Variants in ANO3 observed in about 807,000 individuals in gnomAD.
ANO3 encodes the protein anoctamin 3.
A neutral mutation model predicts 144.8 loss-of-function variants in ANO3; 99 were observed. The ratio of observed to expected loss-of-function variants is 0.68; its 90% CI spans 0.58 to 0.81. The LOEUF is 0.81. Among genes scored for constraint, ANO3 ranks in the 30% least tolerant of loss-of-function variants. The pLI is 0.00. For synonymous variants in ANO3, 414 were observed against 392.6 expected, an observed-to-expected ratio of 1.05 and a Z score of -0.64; for missense variants, 905 against 1,202.2, an observed-to-expected ratio of 0.75 and a Z score of 3.66.
At chr11:26,567,168 G>A (rs929110575) in intron 14 of ANO3, 12 of 1,338,612 alleles carry the variant, frequency 9.0e-6, no homozygotes, top group Non-Finnish European at 1.1e-5. Context: ...AATATTTAAA[G>A]CCAAGTCAAC....
intron 22 of ANO3, among the ~76,000 whole-genome samples, chr11:26,642,798 TTTCTTC>T (rs139017984): frequency 6.6e-6 from 1 of 151,486 alleles, no homozygotes; most frequent in African/African-American, 2.4e-5. Flanking sequence ...CTTCTTTCTC[TTTCTTC>T]TTCTTTTTCC....
rs1855068599 is a variant in ANO3, at chr11:26,332,252, C to A, written c.-24C>A. 1.2e-6 allele frequency: 2 copies of A among 1,613,922 alleles called. No homozygotes were observed. The highest frequency in any genetic ancestry group is 2.7e-5 in the African/African-American group (2 of 74,874). Reference sequence around the variant, plus strand: ...CCTCCCTCTCGGGCAGCTCCCTAAGCCGGCTGGGACGCGCAGAGTGAAAAT... The same window carrying A: ...CCTCCCTCTCGGGCAGCTCCCTAAGACGGCTGGGACGCGCAGAGTGAAAAT... On this transcript the variant is annotated 5_prime_UTR_variant, in exon 1 of 27. Transcript: ENST00000256737.
intron 14 of ANO3, among the ~76,000 whole-genome samples, chr11:26,584,144 T>G (rs999743405): frequency 9.1e-5 from 11 of 120,838 alleles, no homozygotes; most frequent in African/African-American, 4.0e-4. Flanking sequence ...TTCTGTCTTG[T>G]TTTTTTGTTT....
At chr11:26,630,259 C>A (rs1431048117) in intron 18 of ANO3, among the ~76,000 whole-genome samples, 1 of 152,088 alleles carries the variant, frequency 6.6e-6, no homozygotes, top group Non-Finnish European at 1.5e-5. Flanking sequence ...ATTGTAAAAA[C>A]CAGAGTTTAA....
At chr11:26,533,378 G>A (rs142114419) in intron 8 of ANO3, among the ~76,000 whole-genome samples, 137 of 152,150 alleles carry the variant, frequency 9.0e-4, no homozygotes, top group African/African-American at 3.1e-3. Flanking sequence ...ACTTTTAATG[G>A]CAAAAACTGC....
rs114051965 is a variant in ANO3 at position 26,337,688 on chromosome 11, C to T, written c.46+5367C>T. Among the ~76,000 whole-genome samples, 520 of 152,160 alleles carry T rather than the reference C, an allele frequency of 3.4e-3. 2 individuals carry two copies. The highest frequency in any genetic ancestry group is 0.012 in the African/African-American group (497 of 41,498). On this transcript the variant is annotated intron_variant, in intron 1 of 26. Transcript: ENST00000256737. Reference sequence around the variant, plus strand: ...AAATGTTAGCGTAAAAATTATGGCTCACTTTGGGAGGCGGAGGTGGTGGAT... The same window carrying T: ...AAATGTTAGCGTAAAAATTATGGCTTACTTTGGGAGGCGGAGGTGGTGGAT...
At chr11:26,290,915 G>T (rs1853941304) in intron 1 of ANO3, among the ~76,000 whole-genome samples, 1 of 152,196 alleles carries the variant, frequency 6.6e-6, no homozygotes, top group Non-Finnish European at 1.5e-5. Flanking sequence ...TTCTGTAGAT[G>T]TCTATTAGGT....
intron 5 of ANO3, among the ~76,000 whole-genome samples, chr11:26,509,280 T>C (rs1387353097): frequency 6.6e-6 from 1 of 152,094 alleles, no homozygotes; most frequent in Non-Finnish European, 1.5e-5. Context: ...ATCAATTAAC[T>C]AACTATTACA....
intron 4 of ANO3, among the ~76,000 whole-genome samples, chr11:26,493,220 A>G (rs1860784522): frequency 6.6e-6 from 1 of 152,180 alleles, no homozygotes; most frequent in Non-Finnish European, 1.5e-5. Flanking sequence ...AGTGTTAAGT[A>G]CATTAGGTGT....
chr11:26,208,631 C>T (rs1851867744), intron 1 of ANO3, among the ~76,000 whole-genome samples: 1 of 152,094 alleles, frequency 6.6e-6, no homozygotes, highest in Non-Finnish European at 1.5e-5. Context: ...GATAGCCACA[C>T]TCTGTGGATC....
intron 17 of ANO3, among the ~76,000 whole-genome samples, chr11:26,603,781 G>T (rs1851862986): frequency 6.6e-6 from 1 of 152,030 alleles, no homozygotes; most frequent in Non-Finnish European, 1.5e-5. Flanking sequence ...TATAAATTTT[G>T]CTTATAGGGA....
chr11:26,394,016 G>A (rs534275151), intron 1 of ANO3, among the ~76,000 whole-genome samples: 1 of 152,236 alleles, frequency 6.6e-6, no homozygotes, highest in East Asian at 1.9e-4. Flanking sequence ...ATAATGGAAT[G>A]TTTTAGCCAA....
At chr11:26,421,276 C>A (rs1565014823) in intron 1 of ANO3, among the ~76,000 whole-genome samples, 1 of 152,002 alleles carries the variant, frequency 6.6e-6, no homozygotes. Context: ...AGTAATCACT[C>A]AGAAATACTC....
chr11:26,564,350 T>A (rs1054386415), intron 14 of ANO3, among the ~76,000 whole-genome samples: 7 of 151,654 alleles, frequency 4.6e-5, no homozygotes, highest in Non-Finnish European at 1.0e-4. Context: ...GGAATTTGTA[T>A]ATATGATTTG....
At chr11:26,278,999 C>G (rs561699558) in intron 1 of ANO3, among the ~76,000 whole-genome samples, 1 of 152,192 alleles carries the variant, frequency 6.6e-6, no homozygotes, top group East Asian at 1.9e-4. Flanking sequence ...CCCTACATAG[C>G]CTTCAATGGA....
At chr11:26,588,574 T>C (rs1355030093) in intron 14 of ANO3, among the ~76,000 whole-genome samples, 1 of 152,230 alleles carries the variant, frequency 6.6e-6, no homozygotes, top group Non-Finnish European at 1.5e-5. Context: ...TTATTTTTTA[T>C]ATTTTGTGAA....
intron 21 of ANO3, among the ~76,000 whole-genome samples, chr11:26,639,797 G>C (rs1853087862): frequency 6.6e-6 from 1 of 152,164 alleles, no homozygotes; most frequent in Admixed American, 6.5e-5. Context: ...CCTGTGAAAT[G>C]CTTACAGAGG....
intron 1 of ANO3, among the ~76,000 whole-genome samples, chr11:26,394,566 T>A (rs1200828644): frequency 8.9e-6 from 1 of 112,362 alleles, no homozygotes; most frequent in African/African-American, 2.9e-5. Context: ...ATTGATTTCA[T>A]TTTCTTTTTT....
intron 1 of ANO3, among the ~76,000 whole-genome samples, chr11:26,377,548 G>C (rs757080710): frequency 8.6e-5 from 13 of 152,000 alleles, no homozygotes; most frequent in Non-Finnish European, 1.8e-4. Context: ...CTGAAGACTA[G>C]GCTAACATAT....
Sources: gnomAD v4.1 joint callset for allele counts (sites outside exome capture counted in the v4.1 genomes callset) on GRCh38, gnomAD v4.1.1 for gene constraint, MANE v1.5 for transcripts, NCBI Gene and HGNC (gene_info 2026-07-23, HGNC 2026-07-21) for gene names.